SIK3: variants seen among roughly 807,000 people sequenced by gnomAD.
The protein encoded by SIK3 is SIK family kinase 3.
In SIK3, 28 loss-of-function variants were observed where a neutral mutation model predicts 144.2. That is an observed-to-expected ratio of 0.19 (90% CI 0.14 to 0.27). The LOEUF is 0.27. Ranked by LOEUF, SIK3 falls within the 10% of genes least tolerant of loss-of-function variation. The pLI is 1.00. For synonymous variants in SIK3, 686 were observed against 676.3 expected, an observed-to-expected ratio of 1.01 and a Z score of -0.22; for missense variants, 1,319 against 1,776.0, an observed-to-expected ratio of 0.74 and a Z score of 4.62.
At chr11:117,072,154 A>G (rs1007640784) in intron 1 of SIK3, among the ~76,000 whole-genome samples, 5 of 151,982 alleles carry the variant, frequency 3.3e-5, no homozygotes, top group Admixed American at 6.6e-5. Flanking sequence ...TTGGGAGGCC[A>G]AGGTGGGCAG....
At chr11:117,060,554 G>A (rs540502988) in intron 1 of SIK3, among the ~76,000 whole-genome samples, 114 of 148,228 alleles carry the variant, frequency 7.7e-4, no homozygotes, top group Non-Finnish European at 1.3e-3. Flanking sequence ...CCGAGAGCAT[G>A]CCATTGCACT....
intron 1 of SIK3, among the ~76,000 whole-genome samples, chr11:116,971,932 C>G (rs545469941): frequency 2.0e-5 from 3 of 151,636 alleles, no homozygotes; most frequent in Non-Finnish European, 4.4e-5. Flanking sequence ...ACTAAAAATA[C>G]GAAAAATTAC....
intron 4 of SIK3, among the ~76,000 whole-genome samples, chr11:116,914,540 T>A (rs980051807): frequency 4.6e-5 from 7 of 152,062 alleles, no homozygotes; most frequent in Admixed American, 6.6e-5. Context: ...AAATGTATTC[T>A]CAGTACAAGG....
chr11:117,023,621 A>AAAAAAAATATATATATATAT (rs754624841), intron 1 of SIK3, among the ~76,000 whole-genome samples: 10 of 95,412 alleles, frequency 1.0e-4, no homozygotes, highest in Non-Finnish European at 1.5e-4. Flanking sequence ...AAAAAAAAAA[A>AAAAAAAATATATATATATAT]ATATATATAT....
intron 1 of SIK3, among the ~76,000 whole-genome samples, chr11:117,086,040 T>A (rs1255985516): frequency 6.6e-6 from 1 of 152,206 alleles, no homozygotes; most frequent in East Asian, 1.9e-4. Flanking sequence ...CTCAATTAAC[T>A]AAGCACATCA....
intron 1 of SIK3, among the ~76,000 whole-genome samples, chr11:116,957,405 T>C (rs1940626): frequency 0.32 from 48,006 of 151,952 alleles, 8,674 homozygotes; most frequent in African/African-American, 0.5. Context: ...GTATACAGGG[T>C]CTCTCATTAA....
chr11:116,945,991 T>C (rs981058589), intron 3 of SIK3, among the ~76,000 whole-genome samples: 20 of 152,204 alleles, frequency 1.3e-4, no homozygotes, highest in Non-Finnish European at 7.3e-5. Flanking sequence ...AAACATCTTT[T>C]TCACATTCTT....
intron 4 of SIK3, among the ~76,000 whole-genome samples, chr11:116,900,453 A>G (rs540443237): frequency 6.6e-6 from 1 of 152,308 alleles, no homozygotes; most frequent in African/African-American, 2.4e-5. Flanking sequence ...AAAGTTACAC[A>G]AACCAGATCC....
intron 15 of SIK3, chr11:116,864,682 T>C (rs1396124506): frequency 6.6e-6 from 1 of 152,282 alleles, no homozygotes; most frequent in Non-Finnish European, 1.5e-5. Flanking sequence ...GGTAAGCAGA[T>C]AAAAGACTGC....
chr11:117,011,647 A>G (rs1211173030), intron 1 of SIK3, among the ~76,000 whole-genome samples: 1 of 152,152 alleles, frequency 6.6e-6, no homozygotes, highest in Non-Finnish European at 1.5e-5. Context: ...GATTCACATA[A>G]AAAATTCTGC....
At chr11:116,955,011 C>A (rs910025280) in intron 2 of SIK3, among the ~76,000 whole-genome samples, 3 of 152,136 alleles carry the variant, frequency 2.0e-5, no homozygotes, top group African/African-American at 4.8e-5. Context: ...TTTTTATTTA[C>A]CCCAATATAT....
intron 1 of SIK3, among the ~76,000 whole-genome samples, chr11:116,986,535 T>G (rs1950331351): frequency 6.6e-6 from 1 of 152,220 alleles, no homozygotes; most frequent in African/African-American, 2.4e-5. Flanking sequence ...ATGACTTAGC[T>G]TTGAGCTTAA....
chr11:116,969,045 T>C (rs1241657), intron 1 of SIK3, among the ~76,000 whole-genome samples: 135,306 of 152,142 alleles, frequency 0.89, 60,399 homozygotes, highest in African/African-American at 0.92. Flanking sequence ...AATCCCAGCA[T>C]TTTGGGAGGC....
intron 1 of SIK3, among the ~76,000 whole-genome samples, chr11:116,995,246 G>A (rs1327745157): frequency 3.6e-5 from 5 of 140,196 alleles, no homozygotes; most frequent in Non-Finnish European, 6.1e-5. Context: ...CAGCCTAGGC[G>A]ACAGAGCAAG....
chr11:116,864,186 G>A (rs1943503404), intron 15 of SIK3: 1 of 160,594 alleles, frequency 6.2e-6, no homozygotes, highest in African/African-American at 2.4e-5. Context: ...TCTATCTAGT[G>A]CCTTTAGAAA....
At position 116,867,906 on chromosome 11, in the gene SIK3, TGA is replaced by T; in HGVS notation, c.1952+38_1952+39del. The T allele has an allele frequency of 6.8e-7, 1 of 1,467,816 alleles. No homozygotes were observed. Among genetic ancestry groups the T allele is most frequent in the Non-Finnish European group, 9.0e-7 (1 of 1,106,200 alleles). The allele number at this position is 1,467,816 out of a possible 1,614,324, so 90.9% of individuals were successfully genotyped here. ...ACTAATCAGAAGGGTGCCTGTCCGA[TGA>T]GCCTCAAGGAGCTCGCACAGCTCAT... On this transcript the variant is annotated intron_variant, in intron 15 of 24. Transcript: ENST00000445177. This position sits in a 1 kb window ranked among gnomAD's most constrained non-coding sequence, Gnocchi z 4.1.
intron 1 of SIK3, among the ~76,000 whole-genome samples, chr11:117,009,373 C>T (rs1484957472): frequency 6.6e-6 from 1 of 152,008 alleles, no homozygotes; most frequent in South Asian, 2.1e-4. Flanking sequence ...AAGCAAGACC[C>T]TGTCTCTACA....
intron 21 of SIK3, among the ~76,000 whole-genome samples, chr11:116,856,322 C>T (rs1295786260): frequency 6.6e-6 from 1 of 152,182 alleles, no homozygotes; most frequent in African/African-American, 2.4e-5. Flanking sequence ...ATTATCCCAC[C>T]TCTGTTAGAA....
intron 4 of SIK3, among the ~76,000 whole-genome samples, chr11:116,918,399 C>T (rs1005794242): frequency 2.0e-5 from 3 of 152,092 alleles, no homozygotes; most frequent in African/African-American, 7.2e-5. Context: ...ACCCCCACCC[C>T]CACAAGACCT....
Sources: gnomAD v4.1 joint callset for allele counts (sites outside exome capture counted in the v4.1 genomes callset) on GRCh38, gnomAD v4.1.1 for gene constraint, Gnocchi (gnomAD v3.1) non-coding constraint, MANE v1.5 for transcripts, NCBI Gene and HGNC (gene_info 2026-07-23, HGNC 2026-07-21) for gene names.